BAHD1: variants seen among roughly 807,000 people sequenced by gnomAD.
The protein encoded by BAHD1 is bromo adjacent homology domain containing 1.
In BAHD1, 20 loss-of-function variants were observed where a neutral mutation model predicts 63.1. The observed-to-expected ratio is 0.32, with a 90% CI of 0.22 to 0.46. BAHD1 has a LOEUF of 0.46. Among genes scored for constraint, BAHD1 ranks in the 20% least tolerant of loss-of-function variants. BAHD1 has a pLI of 1.00. For synonymous variants in BAHD1, 408 were observed against 426.8 expected, an observed-to-expected ratio of 0.96 and a Z score of 0.54; for missense variants, 939 against 1,071.8, an observed-to-expected ratio of 0.88 and a Z score of 1.73.
At position 40,458,444 on chromosome 15, in the gene BAHD1, C is replaced by T. The variant is rs1205890258; in HGVS notation, c.-14-7C>T. On this transcript the variant is annotated splice_region_variant and splice_polypyrimidine_tract_variant and intron_variant, in intron 1 of 6. Coordinates refer to ENST00000416165, the MANE Select transcript of BAHD1 (RefSeq NM_014952.5). The surrounding 1 kb of genome is among the most constrained non-coding windows in gnomAD (Gnocchi z 4.7). ...GCTTCTCTCATTGCCCACCTTCTGT[C>T]CTGCAGGTTGGAAGTACTCCATGAC... 2 of 1,547,344 alleles carry T rather than the reference C, an allele frequency of 1.3e-6. No homozygotes were observed. Among genetic ancestry groups the T allele is most frequent in the South Asian group, 2.5e-5 (2 of 80,412 alleles).
chr15:40,454,597 A>G (rs919921463), intron 1 of BAHD1: 11 of 152,158 alleles, frequency 7.2e-5, no homozygotes, highest in Non-Finnish European at 1.2e-4. Context: ...GCTGGAGACA[A>G]TCAGACTGGT....
chr15:40,455,603 T>C (rs544814637), intron 1 of BAHD1, among the ~76,000 whole-genome samples: 31 of 152,314 alleles, frequency 2.0e-4, no homozygotes, highest in Middle Eastern at 3.4e-3. Context: ...ACGCTTCCAG[T>C]AGCCAGGCCT....
chr15:40,444,883 A>G (rs1397033713), intron 1 of BAHD1, among the ~76,000 whole-genome samples: 1 of 152,048 alleles, frequency 6.6e-6, no homozygotes, highest in Non-Finnish European at 1.5e-5. Context: ...TTGATGATTA[A>G]TGGACCAGCA....
chr15:40,446,478 G>A lies in BAHD1; in HGVS notation c.-15+5210G>A, dbSNP rs1216514555. On this transcript the variant is annotated intron_variant, in intron 1 of 6. Coordinates refer to ENST00000416165, the MANE Select transcript of BAHD1 (RefSeq NM_014952.5). Reference sequence around the variant, plus strand: ...CATCAGATTTCATTTTTCCCAGTGGGAAACACCTGCAAGGATGGTTATTCA... The same window carrying A: ...CATCAGATTTCATTTTTCCCAGTGGAAAACACCTGCAAGGATGGTTATTCA... Among the ~76,000 whole-genome samples, 3 of 152,094 alleles carry A rather than the reference G, an allele frequency of 2.0e-5. No homozygotes were observed. In the South Asian group the frequency reaches 6.2e-4, roughly 31 times the overall value.
chr15:40,443,319 G>A (rs1893453426), intron 1 of BAHD1: 59 of 985,368 alleles, frequency 6.0e-5, no homozygotes, highest in Non-Finnish European at 7.0e-5. Flanking sequence ...TGAGGCTTGT[G>A]AGAAAGGTAG....
At chr15:40,447,967 C>A (rs1488650424) in intron 1 of BAHD1, among the ~76,000 whole-genome samples, 1 of 152,054 alleles carries the variant, frequency 6.6e-6, no homozygotes, top group African/African-American at 2.4e-5. Context: ...ATGTTTGTTT[C>A]GGCCAGGTGC....
chr15:40,453,284 G>T (rs1042438233), intron 1 of BAHD1, among the ~76,000 whole-genome samples: 1 of 152,212 alleles, frequency 6.6e-6, no homozygotes, highest in Non-Finnish European at 1.5e-5. Flanking sequence ...CTCTTTAAGA[G>T]ATTCACTACC....
chr15:40,459,505 C>T lies in BAHD1; in HGVS notation c.1041C>T (p.Phe347=), dbSNP rs1182635319. 2 of 1,614,100 alleles carry T rather than the reference C, an allele frequency of 1.2e-6. No homozygotes were observed. ...AGCAGGAACTGCATCAGCCCTCTTT[C>T]CCCACACCTCAGCTGTCGCCGCTGC... ...APKQELHQPS[F]PTPQLSPLPM... Residue 347 remains phenylalanine (F), a synonymous_variant, in exon 2 of 7, where the codon TTC becomes TTT. Transcript: ENST00000416165.
chr15:40,447,973 G>C (rs181761514), intron 1 of BAHD1, among the ~76,000 whole-genome samples: 12 of 152,298 alleles, frequency 7.9e-5, no homozygotes, highest in African/African-American at 2.9e-4. Flanking sequence ...GTTTCGGCCA[G>C]GTGCGGTGGC....
At chr15:40,451,905 T>A in intron 1 of BAHD1, among the ~76,000 whole-genome samples, 1 of 147,420 alleles carries the variant, frequency 6.8e-6, no homozygotes, top group Non-Finnish European at 1.5e-5. Context: ...CTCTAAAGAC[T>A]AGTTTTTTAT....
At chr15:40,440,286 A>G (rs912378164), upstream of BAHD1, among the ~76,000 whole-genome samples, 4 of 152,124 alleles carry the variant, frequency 2.6e-5, no homozygotes, top group Non-Finnish European at 4.4e-5. Context: ...TGGAAAGGAA[A>G]GGAGACGTGG....
chr15:40,438,058 C>A (rs887943937), upstream of BAHD1, among the ~76,000 whole-genome samples: 3 of 152,244 alleles, frequency 2.0e-5, no homozygotes, highest in Admixed American at 6.5e-5. Flanking sequence ...TCTTTCTACA[C>A]CAAGTGCCAA....
chr15:40,438,974 G>A (rs1893331769), upstream of BAHD1, among the ~76,000 whole-genome samples: 1 of 152,216 alleles, frequency 6.6e-6, no homozygotes, highest in South Asian at 2.1e-4. Flanking sequence ...TCTGACGAGT[G>A]GGGGCCACCG....
rs141886363 is a variant in BAHD1 at position 40,459,373 on chromosome 15, T to C, written c.909T>C (p.Ala303=). 6 of 1,612,634 alleles carry C rather than the reference T, an allele frequency of 3.7e-6. No individual in the cohort carries two copies. In the African/African-American group the frequency reaches 8.0e-5, roughly 22 times the overall value. The change falls in exon 2 of 7, where the codon GCT becomes GCC. Residue 303 remains alanine, a synonymous_variant. Coordinates refer to ENST00000416165, the MANE Select transcript of BAHD1 (RefSeq NM_014952.5). ...CATCTCATCAGCCCCTGAGCAAGGC[T>C]CTGGAGAGCCCTTTGGGGCTGCGCC... is the stretch of plus-strand genomic sequence containing the variant. ...VQPSHQPLSK[A]LESPLGLRPH... is the part of the protein sequence containing the mutation.
chr15:40,441,502 G>T (rs1424119093), intron 1 of BAHD1, among the ~76,000 whole-genome samples: 27 of 150,926 alleles, frequency 1.8e-4, no homozygotes, highest in Non-Finnish European at 1.5e-4. Context: ...CCGGCACCAC[G>T]GTCCCGCCAT....
In BAHD1 at chr15:40,457,633, T is replaced by G. The variant is rs576572161; in HGVS notation, c.-14-818T>G. On this transcript the variant is annotated intron_variant, in intron 1 of 6. Transcript: ENST00000416165. ...CCATCTCAGCTCTTCACTGTCTGTC[T>G]TCTTGTCCTCCTGTGGCCAACCTCA... Among the ~76,000 whole-genome samples the G allele has an allele frequency of 5.9e-5, 9 of 152,372 alleles. No individual in the cohort carries two copies. In the South Asian group the frequency reaches 1.2e-3, roughly 21 times the overall value.
intron 1 of BAHD1, chr15:40,454,305 G>A (rs1384345035): frequency 6.6e-6 from 1 of 152,612 alleles, no homozygotes; most frequent in African/African-American, 2.4e-5. Context: ...GTGCTGGTGG[G>A]GTTGCTGTAT....
At chr15:40,447,510 A>C (rs1267905587) in intron 1 of BAHD1, among the ~76,000 whole-genome samples, 3 of 151,712 alleles carry the variant, frequency 2.0e-5, no homozygotes, top group African/African-American at 7.3e-5. Flanking sequence ...GAGGTTGCAG[A>C]TCGCGCCAGT....
At chr15:40,442,837 C>T (rs1442259340) in intron 1 of BAHD1, among the ~76,000 whole-genome samples, 1 of 152,174 alleles carries the variant, frequency 6.6e-6, no homozygotes, top group East Asian at 1.9e-4. Flanking sequence ...CTCTTCACCT[C>T]GCTGTCTTCC....
Sources: allele counts gnomAD v4.1 joint callset (sites outside exome capture counted in the v4.1 genomes callset), GRCh38; gene constraint gnomAD v4.1.1; non-coding constraint Gnocchi (gnomAD v3.1); transcripts MANE v1.5; gene names NCBI Gene and HGNC (gene_info 2026-07-23, HGNC 2026-07-21).